The following AGO2 variants were observed in gnomAD, a reference collection of about 807,000 sequenced individuals.
The protein encoded by AGO2 is argonaute RISC catalytic component 2.
Under a neutral mutation model 102.3 loss-of-function variants are expected in AGO2, and 5 were observed. The observed-to-expected ratio is 0.05, with a 90% CI of 0.03 to 0.10. The LOEUF (loss-of-function observed/expected upper bound fraction) is 0.10, where lower values mean the gene tolerates loss of function less well. AGO2 is among the 10% of genes least tolerant of loss of function. AGO2 has a pLI of 1.00. For missense variants in AGO2, 541 were observed against 1,183.7 expected, an observed-to-expected ratio of 0.46 and a Z score of 7.97; for synonymous variants, 449 against 473.1, an observed-to-expected ratio of 0.95 and a Z score of 0.66.
chr8:140,534,142 C>G (rs898959791), intron 17 of AGO2, among the ~76,000 whole-genome samples: 2 of 152,236 alleles, frequency 1.3e-5, no homozygotes, highest in Non-Finnish European at 2.9e-5. Flanking sequence ...TCCGGCACCC[C>G]TTTCCTGGCG....
At chr8:140,535,338 T>G in intron 17 of AGO2, 130 bp downstream of exon 17, 1 of 962,636 alleles carries the variant, frequency 1.0e-6, no homozygotes, top group Non-Finnish European at 1.6e-6. Context: ...GCTCCCCGGT[T>G]CCCTGGTACT....
At chr8:140,636,029 G>A (rs1216633405), upstream of AGO2, among the ~76,000 whole-genome samples, 1 of 151,002 alleles carries the variant, frequency 6.6e-6, no homozygotes, top group African/African-American at 2.4e-5. Flanking sequence ...CGCCGGAGCC[G>A]GAGGGGAGGC....
Position 140,557,345 on chromosome 8 carries a change from C to T in AGO2, c.879-109G>A. Reference sequence around the variant, plus strand: ...GGGTGACGTGTGAGGAGCAAACATTCAGAGCACTTCCGGGAGTGAAAACCA... The same window carrying T: ...GGGTGACGTGTGAGGAGCAAACATTTAGAGCACTTCCGGGAGTGAAAACCA... On this transcript the variant is annotated intron_variant, in intron 7 of 18. Transcript: ENST00000220592. The surrounding 1 kb of genome is among the most constrained non-coding windows in gnomAD (Gnocchi z 5.9). The T allele has an allele frequency of 7.5e-7, 1 of 1,341,778 alleles. No homozygotes were observed. The highest frequency in any genetic ancestry group is 1.0e-6 in the Non-Finnish European group (1 of 992,678). 83.1% of individuals were successfully genotyped at this position (1,341,778 alleles called of 1,614,324 possible).
At chr8:140,560,293 T>A (rs2073176975) in intron 5 of AGO2, 81 bp downstream of exon 5, 1 of 1,553,096 alleles carries the variant, frequency 6.4e-7, no homozygotes, top group Non-Finnish European at 8.7e-7. Context: ...GCTGGCCACA[T>A]GCCACCCCCC....
At position 140,556,176 on chromosome 8, in the gene AGO2, A is replaced by C; in HGVS notation, c.1137T>G (p.Ile379Met). 1 of 1,614,236 alleles carries C rather than the reference A, an allele frequency of 6.2e-7. No homozygotes were observed. The change falls in exon 9 of 19, where the codon ATT becomes ATG. Residue 379 changes from isoleucine to methionine, a missense_variant. Around this residue, in one of 6 missense-constraint regions of AGO2, gnomAD observed 309 missense variants for 735.1 expected, o/e 0.42. Transcript: ENST00000220592. ...CGGGACTGACACTCACCAATTTGCT[A>C]ATCTCTTCTTGCCGATCGGGCGCCG... ...ARSAPDRQEE[I>M]SKLMRSASFN...
intron 1 of AGO2, among the ~76,000 whole-genome samples, chr8:140,600,420 C>T (rs2073915367): frequency 6.6e-6 from 1 of 152,186 alleles, no homozygotes; most frequent in Admixed American, 6.5e-5. Flanking sequence ...GTGGCTCACG[C>T]CTGTAATCCC....
At chr8:140,588,897 C>T (rs1038865392) in intron 1 of AGO2, among the ~76,000 whole-genome samples, 7 of 152,254 alleles carry the variant, frequency 4.6e-5, no homozygotes, top group East Asian at 3.8e-4. Flanking sequence ...TTCACTGAAT[C>T]GGCATCACTC....
At position 140,556,169 on chromosome 8, in the gene AGO2, A is replaced by G; in HGVS notation, c.1144T>C (p.Leu382=). 6.2e-7 allele frequency: 1 copy of G among 1,614,062 alleles called. No homozygotes were observed. The highest frequency in any genetic ancestry group is 8.5e-7 in the Non-Finnish European group (1 of 1,180,018). The change falls in exon 9 of 19, where the codon TTG becomes CTG. Residue 382 remains leucine, a splice_region_variant and synonymous_variant. Coordinates refer to ENST00000220592, the MANE Select transcript of AGO2 (RefSeq NM_012154.5). ...CCCTGCCCGGGACTGACACTCACCAATTTGCTAATCTCTTCTTGCCGATCG... is the reference window on the plus strand; with the variant it reads ...CCCTGCCCGGGACTGACACTCACCAGTTTGCTAATCTCTTCTTGCCGATCG... ...APDRQEEISK[L]MRSASFNTDP... is the part of the protein sequence containing the mutation.
chr8:140,593,381 G>A (rs929284885), intron 1 of AGO2, among the ~76,000 whole-genome samples: 1 of 151,230 alleles, frequency 6.6e-6, no homozygotes, highest in East Asian at 2.0e-4. Context: ...TAGTAGGGAC[G>A]GGGTTTCACC....
chr8:140,619,567 C>T (rs1023208806), intron 1 of AGO2, among the ~76,000 whole-genome samples: 7 of 152,156 alleles, frequency 4.6e-5, no homozygotes, highest in South Asian at 2.1e-4. Flanking sequence ...CTCACTGCGC[C>T]GCAGAGCACA....
At chr8:140,544,336 G>A (rs1387656834) in intron 13 of AGO2, 33 bp from the exon 14 acceptor site, 7 of 1,577,934 alleles carry the variant, frequency 4.4e-6, no homozygotes, top group Admixed American at 1.8e-5. Flanking sequence ...GGGCCACGGT[G>A]AGACACGCCT....
chr8:140,576,846 T>C lies in AGO2; in HGVS notation c.216-3914A>G, dbSNP rs140728019. On this transcript the variant is annotated intron_variant, in intron 2 of 18. Transcript: ENST00000220592. Reference sequence around the variant, plus strand: ...ATCAGCTGATGAGTGGACAAACCCATGATGCCACACCCGCACAATGCAATA... The same window carrying C: ...ATCAGCTGATGAGTGGACAAACCCACGATGCCACACCCGCACAATGCAATA... Among the ~76,000 whole-genome samples, 1,203 of 152,188 alleles carry C rather than the reference T, an allele frequency of 7.9e-3. 19 individuals are homozygous for C. The highest frequency in any genetic ancestry group is 8.7e-3 in the Non-Finnish European group (593 of 67,994).
At chr8:140,611,768 C>T (rs561127499) in intron 1 of AGO2, among the ~76,000 whole-genome samples, 118 of 152,196 alleles carry the variant, frequency 7.8e-4, no homozygotes, top group African/African-American at 2.7e-3. Flanking sequence ...AGTAGGGTGC[C>T]GGGCAGATGT....
chr8:140,558,343 G>A (rs763614754), intron 7 of AGO2, 142 bp downstream of exon 7: 2 of 859,970 alleles, frequency 2.3e-6, no homozygotes, highest in Non-Finnish European at 3.8e-6. Context: ...ACTGAGCCAT[G>A]TAAGGGACAA....
upstream of AGO2, chr8:140,637,889 C>A (rs1430660544): frequency 1.3e-5 from 2 of 152,394 alleles, no homozygotes; most frequent in Non-Finnish European, 2.9e-5. Context: ...CTGTGCGTCT[C>A]GGTGCTTGCT....
At position 140,589,968 on chromosome 8, in the gene AGO2, C is replaced by T. The variant is rs2073723322; in HGVS notation, c.23-4657G>A. Among the ~76,000 whole-genome samples, 1 of 152,246 alleles carries T rather than the reference C, an allele frequency of 6.6e-6. No homozygotes were observed. Among genetic ancestry groups the T allele is most frequent in the South Asian group, 2.1e-4 (1 of 4,834 alleles). The stretch of plus-strand genomic sequence containing the variant: ...CACCCAAGTTGACGCTAAACACAGT[C>T]ATGGCAGCTTTTTTGGTGAAATGGA... On this transcript the variant is annotated intron_variant, in intron 1 of 18. Transcript: ENST00000220592. This position sits in a 1 kb window ranked among gnomAD's most constrained non-coding sequence, Gnocchi z 4.2.
At position 140,615,683 on chromosome 8, in the gene AGO2, C is replaced by A. The variant is rs934906788; in HGVS notation, c.22+19802G>T. On this transcript the variant is annotated intron_variant, in intron 1 of 18. Coordinates refer to ENST00000220592, the MANE Select transcript of AGO2 (RefSeq NM_012154.5). ...CCACAGTTAAATGAAACTTTTACCA[C>A]GCTCAAGGTGGTTTTGCTTTTCGGA... Among the ~76,000 whole-genome samples, 3 of 152,278 alleles carry A rather than the reference C, an allele frequency of 2.0e-5. No individual in the cohort carries two copies. The East Asian group carries it at 5.8e-4, about 29-fold the overall frequency.
chr8:140,587,775 A>C (rs1490167405), intron 1 of AGO2, among the ~76,000 whole-genome samples: 1 of 152,230 alleles, frequency 6.6e-6, no homozygotes, highest in African/African-American at 2.4e-5. Flanking sequence ...TGGTTCCAAA[A>C]GGGAATTCTA....
chr8:140,631,123 A>T (rs1020387473), intron 1 of AGO2, among the ~76,000 whole-genome samples: 9 of 152,202 alleles, frequency 5.9e-5, no homozygotes, highest in African/African-American at 1.9e-4. Context: ...TGGGTCTCCA[A>T]ACAGCCCCCC....
Sources: allele counts gnomAD v4.1 joint callset (sites outside exome capture counted in the v4.1 genomes callset), GRCh38; gene constraint gnomAD v4.1.1; regional missense constraint gnomAD v4.1.1; non-coding constraint Gnocchi (gnomAD v3.1); transcripts MANE v1.5; gene names NCBI Gene and HGNC (gene_info 2026-07-23, HGNC 2026-07-21).